The following SH3BGRL2 variants were observed in gnomAD, a reference collection of about 807,000 sequenced individuals.
The protein encoded by SH3BGRL2 is SH3 domain binding glutamate rich protein like 2.
SH3BGRL2 carries 21 observed loss-of-function variants against 14.8 expected under a neutral mutation model. The ratio of observed to expected loss-of-function variants is 1.42; its 90% confidence interval spans 1.01 to 2.05. The LOEUF is 2.05. Among genes scored for constraint, SH3BGRL2 ranks in the 30% most tolerant of loss-of-function variants. The probability of loss-of-function intolerance (pLI) is 0.00; values close to 1 mark genes in which losing one functional copy is unlikely to be tolerated. For missense variants in SH3BGRL2, 147 were observed against 130.8 expected (o/e 1.12, Z -0.61); for synonymous variants, 50 against 47.8 (o/e 1.05, Z -0.19).
the SH3BGRL2 span, among the ~76,000 whole-genome samples, chr6:79,551,372 G>T: frequency 3.9e-5 from 6 of 152,130 alleles, no homozygotes; most frequent in African/African-American, 1.4e-4. Context: ...GGATCTTTTT[G>T]GTCAAGACTT....
the SH3BGRL2 span, among the ~76,000 whole-genome samples, chr6:79,548,634 A>G: frequency 2.0e-5 from 3 of 152,206 alleles, no homozygotes; most frequent in Admixed American, 2.0e-4. Context: ...TTTCTTTTTC[A>G]TTCTCTACCA....
intron 2 of SH3BGRL2, among the ~76,000 whole-genome samples, chr6:79,691,135 C>A (rs1308014156): frequency 6.6e-6 from 1 of 152,028 alleles, no homozygotes; most frequent in African/African-American, 2.4e-5. Flanking sequence ...GTCTGGGTGA[C>A]AGAGTGAGAC....
the SH3BGRL2 span, among the ~76,000 whole-genome samples, chr6:79,552,130 TGCAGTCTCTGTAACCTG>T: frequency 6.6e-6 from 1 of 152,142 alleles, no homozygotes; most frequent in Non-Finnish European, 1.5e-5. Context: ...CATGTGAGTG[TGCAGTCTCTGTAACCTG>T]GCAGGAGCCA....
chr6:79,563,170 G>C, the SH3BGRL2 span, among the ~76,000 whole-genome samples: 1 of 151,514 alleles, frequency 6.6e-6, no homozygotes, highest in Non-Finnish European at 1.5e-5. Context: ...GTAGAGACGG[G>C]GTTTCACAGT....
chr6:79,624,423 C>A, the SH3BGRL2 span, among the ~76,000 whole-genome samples: 65,743 of 151,362 alleles, frequency 0.43, 14,678 homozygotes, highest in East Asian at 0.63. Context: ...GATTAAAAAT[C>A]AAAATAAAAA....
chr6:79,597,104 C>T, the SH3BGRL2 span, among the ~76,000 whole-genome samples: 1 of 151,980 alleles, frequency 6.6e-6, no homozygotes, highest in Non-Finnish European at 1.5e-5. Flanking sequence ...GTGGCAGGCA[C>T]CTGTAATCCC....
At chr6:79,573,477 A>G in the SH3BGRL2 span, among the ~76,000 whole-genome samples, 3 of 152,032 alleles carry the variant, frequency 2.0e-5, no homozygotes, top group Admixed American at 6.6e-5. Context: ...TTTTTGCCCT[A>G]TGTTCTCTCA....
At chr6:79,677,954 G>A (rs967483676) in intron 2 of SH3BGRL2, among the ~76,000 whole-genome samples, 3 of 152,118 alleles carry the variant, frequency 2.0e-5, no homozygotes, top group African/African-American at 7.2e-5. Flanking sequence ...TCATGGCCAA[G>A]GTTTTAACCC....
In SH3BGRL2 at chr6:79,641,989, T is replaced by C. The variant is rs1305225577; in HGVS notation, c.45+10483T>C. 4.6e-5 allele frequency among the ~76,000 whole-genome samples: 7 copies of C among 152,304 alleles called. No homozygotes were observed. The South Asian group carries it at 1.0e-3, about 23-fold the overall frequency. On this transcript the variant is annotated intron_variant, in intron 1 of 3. Transcript: ENST00000369838. ...GAGTTCTGCTGTAATGTTTGGATAT[T>C]TTATAGGTACATGGCATGTTGTGCA...
At chr6:79,565,412 C>A in the SH3BGRL2 span, among the ~76,000 whole-genome samples, 8 of 151,816 alleles carry the variant, frequency 5.3e-5, no homozygotes, top group African/African-American at 1.9e-4. Flanking sequence ...TGTTTTTTTA[C>A]TATTATTTAC....
At chr6:79,629,920 C>T (rs1443577231), upstream of SH3BGRL2, among the ~76,000 whole-genome samples, 3 of 152,146 alleles carry the variant, frequency 2.0e-5, no homozygotes, top group Non-Finnish European at 4.4e-5. Context: ...TAATTCCAAA[C>T]TGAAGAAAAT....
chr6:79,581,398 CT>C, the SH3BGRL2 span, among the ~76,000 whole-genome samples: 2 of 152,182 alleles, frequency 1.3e-5, no homozygotes, highest in African/African-American at 4.8e-5. Flanking sequence ...CAATAAAATA[CT>C]GGCAAACCAA....
the SH3BGRL2 span, among the ~76,000 whole-genome samples, chr6:79,605,010 T>C: frequency 2.6e-5 from 4 of 152,246 alleles, no homozygotes; most frequent in African/African-American, 9.6e-5. Context: ...TTGCCACTTG[T>C]CTCCTTAAAA....
intron 1 of SH3BGRL2, among the ~76,000 whole-genome samples, chr6:79,671,178 TAGATGAGGTC>T (rs1769765698): frequency 6.6e-6 from 1 of 151,842 alleles, no homozygotes; most frequent in South Asian, 2.1e-4. Context: ...TCAAATGACA[TAGATGAGGTC>T]AGGCACGGTG....
At position 79,696,507 on chromosome 6, in the gene SH3BGRL2, C is replaced by T; in HGVS notation, c.254C>T (p.Ser85Phe). 6.3e-7 allele frequency: 1 copy of T among 1,583,242 alleles called. No individual in the cohort carries two copies. The highest frequency in any genetic ancestry group is 8.5e-7 in the Non-Finnish European group (1 of 1,171,728). Residue 85 changes from serine to phenylalanine, a missense_variant, in exon 3 of 4, where the codon TCC (serine) becomes TTC (phenylalanine). Ser to Phe is a radical substitution (Grantham distance 155). Coordinates refer to ENST00000369838, the MANE Select transcript of SH3BGRL2 (RefSeq NM_031469.4). ...YCGDYDSFFE[S>F]KESNTVFSFL... ...TAGGATTATGACAGTTTTTTTGAAT[C>T]CAAGGAAAGCAACACAGTCTTTTCA...
the SH3BGRL2 span, among the ~76,000 whole-genome samples, chr6:79,578,133 G>A: frequency 4.6e-5 from 7 of 152,250 alleles, no homozygotes; most frequent in Admixed American, 1.3e-4. Context: ...CAAACTGGGC[G>A]GAGCCCACCA....
chr6:79,566,180 T>C, the SH3BGRL2 span, among the ~76,000 whole-genome samples: 3 of 152,186 alleles, frequency 2.0e-5, no homozygotes, highest in Non-Finnish European at 4.4e-5. Flanking sequence ...CTTAGAATAG[T>C]TATTTCCCAA....
chr6:79,563,757 C>T, the SH3BGRL2 span, among the ~76,000 whole-genome samples: 1 of 152,096 alleles, frequency 6.6e-6, no homozygotes, highest in Non-Finnish European at 1.5e-5. Flanking sequence ...AAAGAATATC[C>T]ACATGTTCAA....
At chr6:79,645,549 G>C (rs1319335036) in intron 1 of SH3BGRL2, among the ~76,000 whole-genome samples, 1 of 152,030 alleles carries the variant, frequency 6.6e-6, no homozygotes, top group Non-Finnish European at 1.5e-5. Context: ...TCCCAACTCT[G>C]AGCCATTTGT....
Sources: gnomAD v4.1 joint callset for allele counts (sites outside exome capture counted in the v4.1 genomes callset) on GRCh38, gnomAD v4.1.1 for gene constraint, MANE v1.5 for transcripts, NCBI Gene and HGNC (gene_info 2026-07-23, HGNC 2026-07-21) for gene names.